The following ATP6V1A variants were observed in gnomAD, a reference collection of about 807,000 sequenced individuals.
ATP6V1A encodes ATPase H+ transporting V1 subunit A, also known as V-type proton ATPase catalytic subunit A.
Under a neutral mutation model 70.1 loss-of-function variants are expected in ATP6V1A, and 18 were observed. The observed-to-expected ratio is 0.26, with a 90% CI of 0.18 to 0.38. The LOEUF (loss-of-function observed/expected upper bound fraction) is 0.38, where lower values mean the gene tolerates loss of function less well. ATP6V1A is among the 10% of genes least tolerant of loss of function. The pLI is 1.00. For missense variants in ATP6V1A, 424 were observed against 772.4 expected, an observed-to-expected ratio of 0.55 and a Z score of 5.35; for synonymous variants, 232 against 253.8, an observed-to-expected ratio of 0.91 and a Z score of 0.82.
rs1709336012 is a variant in ATP6V1A, at chr3:113,811,014, A to G, written c.*1587A>G. On this transcript the variant is annotated 3_prime_UTR_variant, in exon 15 of 15. Transcript: ENST00000273398. ...AAATCATTTTATCCGTCTTTTAAGT[A>G]TATGTTTAAAATAATAATTTATGTG... 1 of 152,162 alleles carries G rather than the reference A, an allele frequency of 6.6e-6. No individual in the cohort carries two copies. Among genetic ancestry groups the G allele is most frequent in the African/African-American group, 2.4e-5 (1 of 41,446 alleles). 9.4% of individuals were successfully genotyped at this position (152,162 alleles called of 1,614,324 possible).
chr3:113,772,251 A>G (rs1359635198), intron 1 of ATP6V1A, among the ~76,000 whole-genome samples: 5 of 152,184 alleles, frequency 3.3e-5, no homozygotes, highest in Non-Finnish European at 7.3e-5. Context: ...CTGACCTTGA[A>G]GGGTTGACAG....
chr3:113,788,644 C>G, intron 6 of ATP6V1A, 69 bp from the exon 7 acceptor site: 2 of 1,502,640 alleles, frequency 1.3e-6, no homozygotes, highest in Non-Finnish European at 1.8e-6. Context: ...CCACCGCGCC[C>G]GGCCCCTACT....
In ATP6V1A at chr3:113,774,931, T is replaced by C. The variant is rs1163318542; in HGVS notation, c.-13-3810T>C. 2.6e-5 allele frequency among the ~76,000 whole-genome samples: 4 copies of C among 152,096 alleles called. 1 individual carries two copies. Among genetic ancestry groups the C allele is most frequent in the Admixed American group, 2.6e-4 (4 of 15,272 alleles). The stretch of plus-strand genomic sequence containing the variant: ...TTATTTGTACTATTTAAAAGAAATA[T>C]TGACCTTGTGAAATACTTCTAGAAA... On this transcript the variant is annotated intron_variant, in intron 1 of 14. Transcript: ENST00000273398.
At chr3:113,793,415 A>G (rs1709119626) in intron 8 of ATP6V1A, among the ~76,000 whole-genome samples, 1 of 152,162 alleles carries the variant, frequency 6.6e-6, no homozygotes, top group Admixed American at 6.6e-5. Flanking sequence ...ATGAGTTGCA[A>G]ATATGTCCCA....
At chr3:113,807,958 C>T (rs924579659) in intron 14 of ATP6V1A, among the ~76,000 whole-genome samples, 3 of 151,862 alleles carry the variant, frequency 2.0e-5, no homozygotes, top group Admixed American at 1.3e-4. Flanking sequence ...TGGAGAAACC[C>T]CGTCTCTACT....
At chr3:113,755,740 A>ATT (rs1708640856) in intron 1 of ATP6V1A, among the ~76,000 whole-genome samples, 1 of 152,234 alleles carries the variant, frequency 6.6e-6, no homozygotes, top group African/African-American at 2.4e-5. Context: ...AATGGGTAAT[A>ATT]CATGTACAAA....
chr3:113,788,982 C>T (rs886597797), intron 7 of ATP6V1A, 107 bp downstream of exon 7: 1 of 984,084 alleles, frequency 1.0e-6, no homozygotes, highest in Non-Finnish European at 1.5e-6. Flanking sequence ...TGTCATTCGT[C>T]AAGGATCTTT....
chr3:113,767,690 C>T (rs913663720), intron 1 of ATP6V1A, among the ~76,000 whole-genome samples: 9 of 151,866 alleles, frequency 5.9e-5, no homozygotes, highest in East Asian at 5.8e-4. Flanking sequence ...CTTGCTCTGT[C>T]GCCCAGGCTG....
chr3:113,759,406 A>G (rs1386178744), intron 1 of ATP6V1A, among the ~76,000 whole-genome samples: 3 of 151,360 alleles, frequency 2.0e-5, no homozygotes, highest in Non-Finnish European at 4.4e-5. Context: ...TTGTCCATAT[A>G]TGTGTTGGAG....
At chr3:113,781,982 A>G (rs1708981811) in intron 3 of ATP6V1A, among the ~76,000 whole-genome samples, 1 of 152,242 alleles carries the variant, frequency 6.6e-6, no homozygotes, top group African/African-American at 2.4e-5. Flanking sequence ...GCTTTTAAAC[A>G]TAGTATTTAT....
In ATP6V1A at chr3:113,795,153, T is replaced by C; in HGVS notation, c.1175T>C (p.Val392Ala). Residue 392 changes from valine (V) to alanine (A), a missense_variant, in exon 10 of 15, where the codon GTG becomes GCG. Coordinates refer to ENST00000273398, the MANE Select transcript of ATP6V1A (RefSeq NM_001690.4). The stretch of plus-strand genomic sequence containing the variant: ...TCGTTTTATGAACGAGCAGGCAGGG[T>C]GAAATGTCTTGGAAATCCTGAAAGA... ...LASFYERAGR[V>A]KCLGNPEREG... 6 of 1,614,050 alleles carry C rather than the reference T, an allele frequency of 3.7e-6. No individual in the cohort carries two copies. Among genetic ancestry groups the C allele is most frequent in the Non-Finnish European group, 4.2e-6 (5 of 1,179,994 alleles).
rs369126041 is a variant in ATP6V1A at position 113,767,086 on chromosome 3, CTTTT to C, written c.-13-11635_-13-11632del. ...TAACAAATAGTAGTTGATGTTATGT[CTTTT>C]TTTTTTTTTTTTTTTTTTTGAGACA... On this transcript the variant is annotated intron_variant, in intron 1 of 14. Coordinates refer to ENST00000273398, the MANE Select transcript of ATP6V1A (RefSeq NM_001690.4). Among the ~76,000 whole-genome samples, 19 of 107,850 alleles carry C rather than the reference CTTTT, an allele frequency of 1.8e-4. No homozygotes were observed. In the Admixed American group the frequency reaches 1.8e-3, roughly 10 times the overall value. The allele number at this position is 107,850 out of a possible 152,430, so 70.8% of individuals were successfully genotyped here.
chr3:113,775,063 G>A (rs1708893114), intron 1 of ATP6V1A, among the ~76,000 whole-genome samples: 2 of 152,108 alleles, frequency 1.3e-5, no homozygotes, highest in Admixed American at 1.3e-4. Context: ...TGTGGCTATA[G>A]TAATTGGAAA....
chr3:113,756,924 A>G (rs912902198), intron 1 of ATP6V1A, among the ~76,000 whole-genome samples: 10 of 152,188 alleles, frequency 6.6e-5, no homozygotes, highest in African/African-American at 2.4e-4. Flanking sequence ...GTTTTTGATA[A>G]TCCGTGAGTC....
chr3:113,762,430 TGGTGG>T (rs1459089505), intron 1 of ATP6V1A, among the ~76,000 whole-genome samples: 1 of 151,944 alleles, frequency 6.6e-6, no homozygotes, highest in Non-Finnish European at 1.5e-5. Context: ...TAGCTGGGCG[TGGTGG>T]CGCATACCTG....
chr3:113,784,158 G>A, intron 3 of ATP6V1A, 66 bp from the exon 4 acceptor site: 3 of 1,439,770 alleles, frequency 2.1e-6, no homozygotes, highest in East Asian at 4.6e-5. Flanking sequence ...TTGTTAAACT[G>A]TGGTATTTCC....
intron 5 of ATP6V1A, 151 bp from the exon 6 acceptor site, chr3:113,786,081 A>G (rs1709036937): frequency 6.3e-6 from 3 of 477,188 alleles, no homozygotes; most frequent in Non-Finnish European, 9.7e-6. Flanking sequence ...AGCTAAGACT[A>G]TATATAATTA....
chr3:113,798,157 T>G, intron 11 of ATP6V1A, 86 bp from the exon 12 acceptor site: 1 of 1,441,942 alleles, frequency 6.9e-7, no homozygotes, highest in Non-Finnish European at 9.7e-7. Context: ...AAGAATTGCA[T>G]AGTTGGGACA....
intron 6 of ATP6V1A, among the ~76,000 whole-genome samples, chr3:113,787,901 ATC>A (rs139157590): frequency 6.6e-6 from 1 of 152,126 alleles, no homozygotes; most frequent in South Asian, 2.1e-4. Context: ...ACCGTCTCCT[ATC>A]TCTCTCTCTT....
Sources: allele counts gnomAD v4.1 joint callset (sites outside exome capture counted in the v4.1 genomes callset), GRCh38; gene constraint gnomAD v4.1.1; transcripts MANE v1.5; gene names NCBI Gene and HGNC (gene_info 2026-07-23, HGNC 2026-07-21).